The following RIPOR2 variants were observed in gnomAD, a reference collection of about 807,000 sequenced individuals.
The protein encoded by RIPOR2 is rho family-interacting cell polarization regulator 2.
RIPOR2 carries 39 observed loss-of-function variants against 114.5 expected under a neutral mutation model. The ratio of observed to expected loss-of-function variants is 0.34; its 90% CI spans 0.26 to 0.44. RIPOR2 has a LOEUF of 0.44. RIPOR2 is among the 20% of genes least tolerant of loss of function. The probability of loss-of-function intolerance (pLI) is 1.00; values close to 1 mark genes in which losing one functional copy is unlikely to be tolerated. For missense variants in RIPOR2, 1,007 were observed against 1,255.1 expected, an observed-to-expected ratio of 0.80 and a Z score of 2.99; for synonymous variants, 445 against 484.4, an observed-to-expected ratio of 0.92 and a Z score of 1.07.
intron 1 of RIPOR2, among the ~76,000 whole-genome samples, chr6:24,989,108 C>T (rs186942538): frequency 6.6e-6 from 1 of 152,076 alleles, no homozygotes; most frequent in East Asian, 1.9e-4. Flanking sequence ...TATTGTCATT[C>T]TTTCAAAAAG....
At chr6:25,015,137 T>C (rs2113689323) in intron 1 of RIPOR2, 1 of 152,306 alleles carries the variant, frequency 6.6e-6, no homozygotes, top group Middle Eastern at 3.4e-3. Context: ...TAGAACACGA[T>C]GACTTCAGCA....
chr6:24,851,240 G>A (rs530904545), intron 9 of RIPOR2, among the ~76,000 whole-genome samples: 10 of 152,236 alleles, frequency 6.6e-5, no homozygotes, highest in South Asian at 2.1e-4. Flanking sequence ...GAGACAGGGA[G>A]GGTACAGGTT....
intron 1 of RIPOR2, among the ~76,000 whole-genome samples, chr6:24,893,332 C>T (rs1046346667): frequency 6.6e-6 from 1 of 152,202 alleles, no homozygotes. Flanking sequence ...TCAGGACACT[C>T]GTCTAGCATA....
At chr6:24,819,879 A>AT in intron 19 of RIPOR2, among the ~76,000 whole-genome samples, 1 of 152,180 alleles carries the variant, frequency 6.6e-6, no homozygotes, top group Non-Finnish European at 1.5e-5. Flanking sequence ...ATTCAAATGA[A>AT]TAAGAATCAC....
intron 1 of RIPOR2, among the ~76,000 whole-genome samples, chr6:24,878,825 T>G (rs1163362772): frequency 2.0e-5 from 3 of 152,184 alleles, no homozygotes; most frequent in African/African-American, 7.2e-5. Context: ...AATTTAAGAC[T>G]TCTGTTAAAA....
At chr6:24,860,120 C>T (rs1763922284) in intron 8 of RIPOR2, among the ~76,000 whole-genome samples, 1 of 152,168 alleles carries the variant, frequency 6.6e-6, no homozygotes, top group African/African-American at 2.4e-5. Context: ...TAGTTTGGAA[C>T]TTTCTGGAAT....
Position 24,832,379 on chromosome 6 carries a change from A to T in RIPOR2, c.2221T>A (p.Ser741Thr). 6.4e-7 allele frequency: 1 copy of T among 1,552,092 alleles called. No individual in the cohort carries two copies. The highest frequency in any genetic ancestry group is 1.2e-5 in the South Asian group (1 of 84,044). Residue 741 changes from serine to threonine, a missense_variant, in exon 16 of 22, where the codon TCA (serine) becomes ACA (threonine). Physicochemically the swap from Ser to Thr is moderately conservative, Grantham distance 58. Transcript: ENST00000643898. ...CTTGCCACAAATGGGGTTTTGCTTG[A>T]GAAAACAATTTGCTGGTAAAACAAA... ...CTQLVQQIVF[S>T]SKTPFVARSL...
chr6:24,942,342 G>A (rs936300249), intron 1 of RIPOR2, among the ~76,000 whole-genome samples: 5 of 152,044 alleles, frequency 3.3e-5, no homozygotes, highest in African/African-American at 9.7e-5. Flanking sequence ...TTTGACATAC[G>A]ATTGACAAAA....
chr6:24,932,148 T>G (rs777010297), intron 1 of RIPOR2, among the ~76,000 whole-genome samples: 1 of 152,184 alleles, frequency 6.6e-6, no homozygotes, highest in Non-Finnish European at 1.5e-5. Context: ...GCCCTTTAAT[T>G]TGATAAGTTT....
At chr6:24,897,967 A>T (rs2493330) in intron 1 of RIPOR2, among the ~76,000 whole-genome samples, 29,733 of 151,350 alleles carry the variant, frequency 0.2, 3,039 homozygotes, top group African/African-American at 0.25. Context: ...GAGGTTGCAG[A>T]GAGCAGAGAT....
At chr6:24,834,696 T>C (rs1171515152) in intron 15 of RIPOR2, among the ~76,000 whole-genome samples, 6 of 152,080 alleles carry the variant, frequency 3.9e-5, no homozygotes, top group Non-Finnish European at 7.4e-5. Flanking sequence ...CCATCACAGC[T>C]CACTGCAACC....
intron 1 of RIPOR2, among the ~76,000 whole-genome samples, chr6:24,880,331 A>AT (rs1766225852): frequency 1.3e-5 from 2 of 152,168 alleles, no homozygotes; most frequent in Non-Finnish European, 2.9e-5. Flanking sequence ...ACATGGAAAG[A>AT]TCCCCAGGAT....
rs139764557 is a variant in RIPOR2 at position 24,883,889 on chromosome 6, C to G, written c.62-8072G>C. Among the ~76,000 whole-genome samples, 227 of 152,276 alleles carry G rather than the reference C, an allele frequency of 1.5e-3. 1 individual carries two copies. Among genetic ancestry groups the G allele is most frequent in the Non-Finnish European group, 2.6e-3 (175 of 68,024 alleles). ...CAATGCCATCCTGTTTATGCTCCCC[C>G]ACATCGTGGTCAAAAGCAGATGTAT... On this transcript the variant is annotated intron_variant, in intron 1 of 21. Transcript: ENST00000643898. The surrounding 1 kb of genome is among the most constrained non-coding windows in gnomAD (Gnocchi z 4.1).
chr6:25,015,895 G>GTTTTTTTTTTT (rs1561844639), intron 1 of RIPOR2: 2 of 16,450 alleles, frequency 1.2e-4, no homozygotes, highest in African/African-American at 3.9e-4. Context: ...CAGGTTTTTT[G>GTTTTTTTTTTT]GTTTTTTTTT....
chr6:24,892,196 A>G (rs1767432270), intron 1 of RIPOR2, among the ~76,000 whole-genome samples: 1 of 151,800 alleles, frequency 6.6e-6, no homozygotes, highest in Non-Finnish European at 1.5e-5. Flanking sequence ...TTTTCCCAAG[A>G]CTCCCGTCTC....
intron 9 of RIPOR2, among the ~76,000 whole-genome samples, chr6:24,851,992 C>G (rs1202008722): frequency 8.7e-6 from 1 of 114,488 alleles, no homozygotes; most frequent in Admixed American, 1.3e-4. Context: ...TGGCTCACAC[C>G]TGTAATCCCA....
intron 1 of RIPOR2, among the ~76,000 whole-genome samples, chr6:24,999,974 GAGA>G (rs1775227193): frequency 6.6e-6 from 1 of 152,326 alleles, no homozygotes; most frequent in Middle Eastern, 3.4e-3. Context: ...GTGGTGGTGA[GAGA>G]AGGTCAGCCA....
chr6:24,811,657 C>CTTTTTTTT (rs1222503239), intron 20 of RIPOR2, among the ~76,000 whole-genome samples: 1 of 21,730 alleles, frequency 4.6e-5, no homozygotes, highest in Non-Finnish European at 1.4e-4. Flanking sequence ...TCGTTTAGTA[C>CTTTTTTTT]TTTTTTTTTT....
At chr6:24,845,722 C>T (rs1351502456) in intron 12 of RIPOR2, among the ~76,000 whole-genome samples, 2 of 152,094 alleles carry the variant, frequency 1.3e-5, no homozygotes, top group African/African-American at 4.8e-5. Flanking sequence ...ATGGTGTACA[C>T]GCTATAACTG....
Sources: gnomAD v4.1 joint callset for allele counts (sites outside exome capture counted in the v4.1 genomes callset) on GRCh38, gnomAD v4.1.1 for gene constraint, Gnocchi (gnomAD v3.1) non-coding constraint, MANE v1.5 for transcripts, NCBI Gene and HGNC (gene_info 2026-07-23, HGNC 2026-07-21) for gene names.